SGCZ: variants seen among roughly 807,000 people sequenced by gnomAD.
SGCZ encodes zeta-sarcoglycan.
In SGCZ, 40 loss-of-function variants were observed where a neutral mutation model predicts 41.3. The ratio of observed to expected loss-of-function variants is 0.97; its 90% CI spans 0.75 to 1.26. The LOEUF (loss-of-function observed/expected upper bound fraction) is 1.26. Ranked by LOEUF, SGCZ falls within the 50% of genes most tolerant of loss-of-function variation. The pLI is 0.00. For missense variants in SGCZ, 552 were observed against 369.8 expected (o/e 1.49, Z -4.04); for synonymous variants, 206 against 137.5 (o/e 1.50, Z -3.49).
intron 2 of SGCZ, among the ~76,000 whole-genome samples, chr8:14,402,669 C>T (rs1799110159): frequency 7.0e-6 from 1 of 142,896 alleles, no homozygotes; most frequent in South Asian, 2.1e-4. Context: ...GGTACCAGTA[C>T]CACGGTGTTT....
At chr8:14,417,759 A>C (rs926934883) in intron 2 of SGCZ, among the ~76,000 whole-genome samples, 1 of 151,130 alleles carries the variant, frequency 6.6e-6, no homozygotes, top group Non-Finnish European at 1.5e-5. Context: ...ATGTAAGGTG[A>C]TAGATATGTA....
intron 1 of SGCZ, among the ~76,000 whole-genome samples, chr8:15,220,916 GAAAACCAA>G (rs1423658370): frequency 6.6e-6 from 1 of 152,092 alleles, no homozygotes; most frequent in Non-Finnish European, 1.5e-5. Flanking sequence ...CACAAGTACA[GAAAACCAA>G]ACACCACACG....
chr8:14,319,401 C>G (rs914339013), intron 3 of SGCZ: 10 of 151,960 alleles, frequency 6.6e-5, no homozygotes, highest in African/African-American at 2.4e-4. Flanking sequence ...AGCATAAAGG[C>G]AACAGTCAGA....
chr8:14,825,409 A>C (rs1319595562), intron 1 of SGCZ, among the ~76,000 whole-genome samples: 2 of 152,138 alleles, frequency 1.3e-5, no homozygotes, highest in Non-Finnish European at 2.9e-5. Flanking sequence ...GAAGAACTCA[A>C]AAAATATAAA....
intron 2 of SGCZ, among the ~76,000 whole-genome samples, chr8:14,543,467 A>T (rs79447136): frequency 0.017 from 2,528 of 152,198 alleles, 38 homozygotes; most frequent in Middle Eastern, 0.037. Context: ...AGCCTCCATC[A>T]TTATCCTGGA....
In SGCZ at chr8:14,088,736, G is replaced by T. The variant is rs891810865; in HGVS notation, c.*1707C>A. Among the ~76,000 whole-genome samples the T allele has an allele frequency of 2.6e-5, 4 of 151,890 alleles. No individual in the cohort carries two copies. In the East Asian group the frequency reaches 7.8e-4, roughly 30 times the overall value. Reference sequence around the variant, plus strand: ...AGTACAGTGGAAATGAGCTTTTTCAGTTATTTGATATGCTAGGTTATGCAA... The same window carrying T: ...AGTACAGTGGAAATGAGCTTTTTCATTTATTTGATATGCTAGGTTATGCAA... On this transcript the variant is annotated 3_prime_UTR_variant, in exon 8 of 8. Coordinates refer to ENST00000382080, the MANE Select transcript of SGCZ (RefSeq NM_139167.4).
chr8:14,114,148 G>T (rs1445825701), intron 5 of SGCZ, among the ~76,000 whole-genome samples: 2 of 151,976 alleles, frequency 1.3e-5, no homozygotes, highest in African/African-American at 4.8e-5. Flanking sequence ...TGTATACTTA[G>T]TACTGATCAT....
At chr8:14,282,052 G>T (rs954314962) in intron 3 of SGCZ, among the ~76,000 whole-genome samples, 2 of 151,840 alleles carry the variant, frequency 1.3e-5, no homozygotes, top group Non-Finnish European at 2.9e-5. Context: ...CTAGTTAAAA[G>T]AAATAAACTT....
At chr8:14,357,646 A>C (rs1803344815) in intron 2 of SGCZ, among the ~76,000 whole-genome samples, 1 of 152,180 alleles carries the variant, frequency 6.6e-6, no homozygotes, top group Non-Finnish European at 1.5e-5. Flanking sequence ...AAAAGTGATA[A>C]AATGTCAAAG....
chr8:14,951,069 A>G (rs1800621052), intron 1 of SGCZ, among the ~76,000 whole-genome samples: 3 of 152,010 alleles, frequency 2.0e-5, no homozygotes, highest in Non-Finnish European at 4.4e-5. Flanking sequence ...GAGCCACATT[A>G]TTTTTAAAAT....
intron 1 of SGCZ, among the ~76,000 whole-genome samples, chr8:15,099,957 CA>C (rs60290285): frequency 0.14 from 21,263 of 151,742 alleles, 1,479 homozygotes; most frequent in Middle Eastern, 0.22. Flanking sequence ...ACTTCCCTGA[CA>C]AAAAAAAAAG....
chr8:14,824,871 G>T (rs1057433417), intron 1 of SGCZ, among the ~76,000 whole-genome samples: 1 of 151,942 alleles, frequency 6.6e-6, no homozygotes, highest in Non-Finnish European at 1.5e-5. Flanking sequence ...TTACTACTTT[G>T]TTTTCAACTG....
Position 15,236,236 on chromosome 8 carries a change from T to G in SGCZ, c.39+1349A>C, listed in dbSNP as rs376959615. On this transcript the variant is annotated intron_variant, in intron 1 of 7. Transcript: ENST00000382080. ...GATTCTGGCAGGCGCCACTGTTCTC[T>G]GTCCCTCCTTCCTTCCCCGTCTATG... 1.5e-4 allele frequency among the ~76,000 whole-genome samples: 22 copies of G among 145,022 alleles called. 1 individual carries two copies. The highest frequency in any genetic ancestry group is 5.8e-4 in the African/African-American group (20 of 34,636).
intron 1 of SGCZ, among the ~76,000 whole-genome samples, chr8:14,920,411 C>T (rs1302838047): frequency 6.6e-6 from 1 of 152,122 alleles, no homozygotes; most frequent in Non-Finnish European, 1.5e-5. Context: ...TCAAAAAGTT[C>T]TGAGCCACTT....
chr8:14,799,380 CAG>C (rs1801240263), intron 1 of SGCZ, among the ~76,000 whole-genome samples: 1 of 152,072 alleles, frequency 6.6e-6, no homozygotes, highest in Non-Finnish European at 1.5e-5. Flanking sequence ...AAAGGCAAGA[CAG>C]AATTTGATTT....
chr8:14,253,734 G>A lies in SGCZ; in HGVS notation c.337-16055C>T, dbSNP rs143800458. Among the ~76,000 whole-genome samples the A allele has an allele frequency of 2.8e-4, 42 of 152,154 alleles. 1 individual carries two copies. The highest frequency in any genetic ancestry group is 4.7e-4 in the Non-Finnish European group (32 of 67,978). ...ATATGTAACATAAATATAATAAATA[G>A]CTTATTCTTGCTTTACAGAACGAGC... On this transcript the variant is annotated intron_variant, in intron 3 of 7. Transcript: ENST00000382080.
chr8:14,568,836 A>G (rs1423637484), intron 1 of SGCZ, among the ~76,000 whole-genome samples: 1 of 152,192 alleles, frequency 6.6e-6, no homozygotes, highest in East Asian at 1.9e-4. Context: ...AAATAATTCA[A>G]TATATATTTG....
rs1311871264 is a variant in SGCZ, at chr8:15,007,026, TAA to T, written c.39+230557_39+230558del. 3.3e-5 allele frequency among the ~76,000 whole-genome samples: 5 copies of T among 152,222 alleles called. No homozygotes were observed. In the East Asian group the frequency reaches 9.6e-4, roughly 29 times the overall value. On this transcript the variant is annotated intron_variant, in intron 1 of 7. Transcript: ENST00000382080. ...ATAACAAAAGGAAAGGGTAGTGTGTTAAGTTAGTACTTAGACTAGTATATTTA... is the reference window on the plus strand; with the variant it reads ...ATAACAAAAGGAAAGGGTAGTGTGTTGTTAGTACTTAGACTAGTATATTTA...
intron 1 of SGCZ, among the ~76,000 whole-genome samples, chr8:15,204,554 G>A (rs1036010185): frequency 2.6e-5 from 4 of 152,070 alleles, no homozygotes; most frequent in African/African-American, 7.2e-5. Context: ...GGTATCAGAG[G>A]CTAGCTTTCT....
Sources: allele counts gnomAD v4.1 joint callset (sites outside exome capture counted in the v4.1 genomes callset), GRCh38; gene constraint gnomAD v4.1.1; transcripts MANE v1.5; gene names NCBI Gene and HGNC (gene_info 2026-07-23, HGNC 2026-07-21).